The following PTPRR variants were observed in gnomAD, a reference collection of about 807,000 sequenced individuals.
The protein encoded by PTPRR is protein tyrosine phosphatase receptor type R, also known as receptor-type tyrosine-protein phosphatase R.
In PTPRR, 38 loss-of-function variants were observed where a neutral mutation model predicts 77.2. The observed-to-expected ratio is 0.49, with a 90% CI of 0.38 to 0.65. PTPRR has a LOEUF of 0.65. Among genes scored for constraint, PTPRR ranks in the 30% least tolerant of loss-of-function variants. The pLI is 0.00. For missense variants in PTPRR, 744 were observed against 799.2 expected, an observed-to-expected ratio of 0.93 and a Z score of 0.83; for synonymous variants, 299 against 283.1, an observed-to-expected ratio of 1.06 and a Z score of -0.57.
chr12:70,905,170 G>A (rs919226264), intron 1 of PTPRR, among the ~76,000 whole-genome samples: 1 of 151,636 alleles, frequency 6.6e-6, no homozygotes, highest in African/African-American at 2.4e-5. Context: ...TAGAGGGGAG[G>A]GAGATTAGGG....
intron 2 of PTPRR, among the ~76,000 whole-genome samples, chr12:70,851,964 A>G (rs943037755): frequency 2.6e-5 from 4 of 151,984 alleles, no homozygotes; most frequent in African/African-American, 4.8e-5. Context: ...GTATCTAATC[A>G]TGAGGTTTCA....
intron 4 of PTPRR, among the ~76,000 whole-genome samples, chr12:70,756,954 T>G (rs1473717029): frequency 6.6e-6 from 1 of 152,192 alleles, no homozygotes; most frequent in East Asian, 1.9e-4. Flanking sequence ...TTGATTGACT[T>G]GGCAGATAAA....
Position 70,892,903 on chromosome 12 carries a change from T to C in PTPRR, c.133A>G (p.Lys45Glu). Residue 45 changes from lysine to glutamate, a missense_variant, in exon 2 of 14, where the codon AAG becomes GAG. Lys to Glu is a moderately conservative substitution (Grantham distance 56). Transcript: ENST00000283228. ...CTCTTCTCAATGTCTTGTGAATGCT[T>C]ATAAATGAATACCGGCTTCCCACTC... ...KKSGKPVFIY[K>E]HSQDIEKSLD... is the part of the protein sequence containing the mutation. 1 of 1,613,554 alleles carries C rather than the reference T, an allele frequency of 6.2e-7. No individual in the cohort carries two copies. Among genetic ancestry groups the C allele is most frequent in the South Asian group, 1.1e-5 (1 of 91,074 alleles).
intron 1 of PTPRR, among the ~76,000 whole-genome samples, chr12:70,903,935 T>A (rs1426639174): frequency 6.6e-6 from 1 of 151,758 alleles, no homozygotes. Flanking sequence ...AACAAACACT[T>A]TATTAAAGAG....
At chr12:70,755,081 G>A (rs1252287790) in intron 4 of PTPRR, among the ~76,000 whole-genome samples, 1 of 152,002 alleles carries the variant, frequency 6.6e-6, no homozygotes. Flanking sequence ...TTTTAAAGAA[G>A]CACATTGACT....
At chr12:70,841,242 T>C (rs1318676073) in intron 2 of PTPRR, among the ~76,000 whole-genome samples, 1 of 152,116 alleles carries the variant, frequency 6.6e-6, no homozygotes, top group Non-Finnish European at 1.5e-5. Flanking sequence ...AGCTTTATCC[T>C]GAATCACCTG....
chr12:70,679,289 A>G (rs1887567403), intron 10 of PTPRR, among the ~76,000 whole-genome samples: 2 of 152,214 alleles, frequency 1.3e-5, no homozygotes, highest in African/African-American at 4.8e-5. Flanking sequence ...GTCAGAAAAC[A>G]TATTTAAAAT....
intron 2 of PTPRR, among the ~76,000 whole-genome samples, chr12:70,815,969 C>A (rs917728880): frequency 1.3e-5 from 2 of 151,974 alleles, no homozygotes; most frequent in Admixed American, 6.5e-5. Context: ...TCACATATTG[C>A]GATGAACATG....
chr12:70,854,946 G>T (rs575139354), intron 2 of PTPRR, among the ~76,000 whole-genome samples: 15 of 152,152 alleles, frequency 9.9e-5, no homozygotes, highest in Non-Finnish European at 1.8e-4. Flanking sequence ...ATATCGGCAG[G>T]CAGGGGTTGC....
At chr12:70,804,191 T>C (rs1017309372) in intron 2 of PTPRR, among the ~76,000 whole-genome samples, 1 of 124,446 alleles carries the variant, frequency 8.0e-6, no homozygotes, top group Non-Finnish European at 1.8e-5. Context: ...AGGTTAACTT[T>C]AAATTTGAGT....
intron 4 of PTPRR, among the ~76,000 whole-genome samples, chr12:70,759,600 G>C (rs1362260495): frequency 7.1e-6 from 1 of 140,506 alleles, no homozygotes; most frequent in Non-Finnish European, 1.5e-5. Context: ...AGAATGGCAT[G>C]AACTCGGGAG....
At chr12:70,683,572 C>T (rs532307113) in intron 10 of PTPRR, among the ~76,000 whole-genome samples, 8 of 152,214 alleles carry the variant, frequency 5.3e-5, no homozygotes, top group African/African-American at 1.9e-4. Flanking sequence ...CTGCAATTCC[C>T]CATCACCCCC....
intron 2 of PTPRR, among the ~76,000 whole-genome samples, chr12:70,796,024 A>AGT (rs1427496704): frequency 7.2e-6 from 1 of 137,984 alleles, no homozygotes; most frequent in East Asian, 2.4e-4. Flanking sequence ...CCAGGGTTCA[A>AGT]GTGATTCTCC....
chr12:70,901,133 G>A (rs906325055), intron 1 of PTPRR, among the ~76,000 whole-genome samples: 1 of 151,438 alleles, frequency 6.6e-6, no homozygotes, highest in Non-Finnish European at 1.5e-5. Context: ...GGAGAATTTA[G>A]GGTTTTGAAT....
chr12:70,662,862 G>C (rs903891632), intron 10 of PTPRR, among the ~76,000 whole-genome samples: 1 of 150,676 alleles, frequency 6.6e-6, no homozygotes, highest in Non-Finnish European at 1.5e-5. Flanking sequence ...TGTCACTGCT[G>C]GCTCCATACA....
intron 6 of PTPRR, among the ~76,000 whole-genome samples, chr12:70,705,691 A>G (rs1427248574): frequency 6.6e-6 from 1 of 152,100 alleles, no homozygotes. Flanking sequence ...AATTTAGTAC[A>G]GAATGAAAGC....
intron 1 of PTPRR, among the ~76,000 whole-genome samples, chr12:70,909,124 T>C (rs915474013): frequency 6.6e-6 from 1 of 152,160 alleles, no homozygotes; most frequent in Non-Finnish European, 1.5e-5. Flanking sequence ...CAGCTGATGC[T>C]GCAGGGTGAG....
At chr12:70,789,047 T>C (rs932854893) in intron 2 of PTPRR, 21 of 487,628 alleles carry the variant, frequency 4.3e-5, no homozygotes, top group African/African-American at 3.8e-4. Flanking sequence ...ATATCCCAGG[T>C]GCTTGCTGTT....
chr12:70,880,734 C>T (rs866304317), intron 2 of PTPRR, among the ~76,000 whole-genome samples: 2 of 152,024 alleles, frequency 1.3e-5, no homozygotes, highest in African/African-American at 4.8e-5. Flanking sequence ...AGTGTCCATT[C>T]GAAATCTTTA....
Sources: allele counts gnomAD v4.1 joint callset (sites outside exome capture counted in the v4.1 genomes callset), GRCh38; gene constraint gnomAD v4.1.1; transcripts MANE v1.5; gene names NCBI Gene and HGNC (gene_info 2026-07-23, HGNC 2026-07-21).